Variants in CFAP61 observed in about 807,000 individuals in gnomAD.
The protein encoded by CFAP61 is cilia and flagella associated protein 61.
In CFAP61, 107 loss-of-function variants were observed where a neutral mutation model predicts 135.6. That is an observed-to-expected ratio of 0.79 (90% CI 0.67 to 0.93). The LOEUF (loss-of-function observed/expected upper bound fraction) is 0.93, where lower values mean the gene tolerates loss of function less well. CFAP61 is among the 40% of genes least tolerant of loss of function. The pLI, the probability that CFAP61 is intolerant of heterozygous loss-of-function variation, is 0.00. For missense variants in CFAP61, 1,507 were observed against 1,556.2 expected, an observed-to-expected ratio of 0.97 and a Z score of 0.53; for synonymous variants, 575 against 578.5, an observed-to-expected ratio of 0.99 and a Z score of 0.09.
intron 22 of CFAP61, among the ~76,000 whole-genome samples, chr20:20,278,281 G>A (rs2147044205): frequency 6.6e-6 from 1 of 152,286 alleles, no homozygotes; most frequent in Non-Finnish European, 1.5e-5. Context: ...TTAAGATTCT[G>A]GCAACAGCAG....
At chr20:20,056,087 C>T in intron 1 of CFAP61, 1 of 1,108,880 alleles carries the variant, frequency 9.0e-7, no homozygotes. Context: ...TATTATGGAA[C>T]CTCTCAAAGA....
intron 17 of CFAP61, among the ~76,000 whole-genome samples, chr20:20,206,372 A>G (rs1311797176): frequency 6.6e-6 from 1 of 152,210 alleles, no homozygotes; most frequent in Non-Finnish European, 1.5e-5. Flanking sequence ...TAATTTTAGA[A>G]CATTTTCATC....
intron 14 of CFAP61, among the ~76,000 whole-genome samples, 193 bp from the exon 15 acceptor site, chr20:20,191,149 T>C (rs1265235297): frequency 3.3e-5 from 5 of 151,940 alleles, no homozygotes; most frequent in Non-Finnish European, 5.9e-5. Flanking sequence ...ATAATAATAA[T>C]ATCTCATAGG....
At chr20:20,239,790 C>A (rs539698310) in intron 18 of CFAP61, among the ~76,000 whole-genome samples, 35 of 152,202 alleles carry the variant, frequency 2.3e-4, no homozygotes, top group Non-Finnish European at 4.4e-4. Context: ...AACCGGAAAC[C>A]GTTGAGATTT....
chr20:20,232,904 T>G (rs1243786911), intron 18 of CFAP61: 2 of 152,164 alleles, frequency 1.3e-5, no homozygotes, highest in Non-Finnish European at 2.9e-5. Context: ...CGGTGGGCAC[T>G]GGAAAGCCCG....
At position 20,070,992 on chromosome 20, in the gene CFAP61, C is replaced by T. The variant is rs778804883; in HGVS notation, c.282C>T (p.Asp94=). 4.3e-6 allele frequency: 7 copies of T among 1,613,980 alleles called. No homozygotes were observed. The highest frequency in any genetic ancestry group is 1.1e-5 in the South Asian group (1 of 91,048). The change falls in exon 3 of 27, where the codon GAC becomes GAT. Residue 94 remains aspartate, a synonymous_variant. Transcript: ENST00000245957. ...WVSVFRELDS[D]IPCTPLNTLF... is the part of the protein sequence containing the mutation. ...CAGTGTTCCGGGAGCTCGACAGTGA[C>T]ATCCCATGCACAGTAAGAAATCACA...
At chr20:20,257,643 AAAAG>A (rs1229353185) in intron 20 of CFAP61, among the ~76,000 whole-genome samples, 12 of 151,852 alleles carry the variant, frequency 7.9e-5, no homozygotes, top group East Asian at 1.9e-4. Context: ...AAAAAAAAGA[AAAAG>A]AAAGAAAGAA....
At chr20:20,353,100 G>A (rs1712340802) in intron 26 of CFAP61, among the ~76,000 whole-genome samples, 1 of 152,144 alleles carries the variant, frequency 6.6e-6, no homozygotes, top group African/African-American at 2.4e-5. Context: ...CTCAAAAGAA[G>A]ACATACAGTA....
intron 15 of CFAP61, among the ~76,000 whole-genome samples, chr20:20,192,882 A>G (rs2146878597): frequency 1.3e-5 from 2 of 152,252 alleles, no homozygotes; most frequent in Middle Eastern, 6.8e-3. Flanking sequence ...TTTATGAAAT[A>G]TCTTTGAGCT....
chr20:20,176,396 G>T (rs891335941), intron 13 of CFAP61, among the ~76,000 whole-genome samples: 1 of 89,256 alleles, frequency 1.1e-5, no homozygotes, highest in South Asian at 3.8e-4. Flanking sequence ...TTACATGCAC[G>T]CATATGTTCA....
intron 15 of CFAP61, among the ~76,000 whole-genome samples, chr20:20,191,775 T>C (rs1362943958): frequency 6.7e-6 from 1 of 149,948 alleles, no homozygotes; most frequent in Non-Finnish European, 1.5e-5. Context: ...CTTTGCACTT[T>C]ATTACATATA....
chr20:20,207,157 G>T (rs1373047808), intron 17 of CFAP61, among the ~76,000 whole-genome samples: 4 of 152,150 alleles, frequency 2.6e-5, no homozygotes, highest in Non-Finnish European at 5.9e-5. Context: ...TTGTGGTCCT[G>T]TGTGGACATC....
intron 24 of CFAP61, among the ~76,000 whole-genome samples, chr20:20,296,466 C>CT (rs1317025036): frequency 3.1e-4 from 44 of 140,820 alleles, no homozygotes; most frequent in Non-Finnish European, 5.4e-4. Flanking sequence ...GCCTTCCTTC[C>CT]TTCCTTTCTT....
chr20:20,198,671 G>A (rs2056443028), intron 16 of CFAP61, among the ~76,000 whole-genome samples: 1 of 152,062 alleles, frequency 6.6e-6, no homozygotes, highest in South Asian at 2.1e-4. Flanking sequence ...CTCTGGTCAG[G>A]GCATGTATTA....
At chr20:20,358,127 A>AGTCACACTGAGAGGAGGTG (rs1569336511) in intron 26 of CFAP61, among the ~76,000 whole-genome samples, 18 of 112,656 alleles carry the variant, frequency 1.6e-4, no homozygotes, top group African/African-American at 6.1e-4. Context: ...GAGGGGTGGT[A>AGTCACACTGAGAGGAGGTG]GTCACACTGA....
intron 26 of CFAP61, among the ~76,000 whole-genome samples, chr20:20,350,143 C>T (rs745328334): frequency 1.4e-4 from 22 of 152,124 alleles, no homozygotes; most frequent in Non-Finnish European, 2.6e-4. Flanking sequence ...AATGAGATAC[C>T]ACTTTACAGC....
intron 8 of CFAP61, among the ~76,000 whole-genome samples, chr20:20,134,014 C>A (rs2050736975): frequency 6.6e-6 from 1 of 152,194 alleles, no homozygotes; most frequent in South Asian, 2.1e-4. Context: ...ATCCCATATA[C>A]TAGACTTTAG....
chr20:20,331,143 A>G (rs1052608966), intron 25 of CFAP61, among the ~76,000 whole-genome samples: 5 of 152,174 alleles, frequency 3.3e-5, no homozygotes, highest in African/African-American at 1.2e-4. Context: ...CATAATTCTT[A>G]CATATTTATT....
At chr20:20,298,443 T>C in intron 25 of CFAP61, 57 bp downstream of exon 25, 3 of 1,438,058 alleles carry the variant, frequency 2.1e-6, no homozygotes, top group Non-Finnish European at 1.9e-6. Context: ...ATAATGTCTG[T>C]GAATGAGGGA....
Sources: allele counts gnomAD v4.1 joint callset (sites outside exome capture counted in the v4.1 genomes callset), GRCh38; gene constraint gnomAD v4.1.1; transcripts MANE v1.5; gene names NCBI Gene and HGNC (gene_info 2026-07-23, HGNC 2026-07-21).